The following SLC13A1 variants were observed in gnomAD, a reference collection of about 807,000 sequenced individuals.
SLC13A1 encodes the protein Na(+)/sulfate cotransporter.
Under a neutral mutation model 70.0 loss-of-function variants are expected in SLC13A1, and 65 were observed. That is an observed-to-expected ratio of 0.93 (90% CI 0.76 to 1.14). SLC13A1 has a LOEUF of 1.14. Ranked by LOEUF, SLC13A1 falls within the 50% of genes most tolerant of loss-of-function variation. The probability of loss-of-function intolerance (pLI) is 0.00; values close to 1 mark genes in which losing one functional copy is unlikely to be tolerated. For missense variants in SLC13A1, 726 were observed against 717.8 expected (o/e 1.01, Z -0.13); for synonymous variants, 275 against 250.5 (o/e 1.10, Z -0.92).
At chr7:123,126,114 G>A (rs1793550679) in intron 10 of SLC13A1, among the ~76,000 whole-genome samples, 1 of 152,154 alleles carries the variant, frequency 6.6e-6, no homozygotes, top group Non-Finnish European at 1.5e-5. Context: ...TTGTGGCAAG[G>A]CGTGATATTT....
intron 2 of SLC13A1, among the ~76,000 whole-genome samples, chr7:123,177,554 C>A (rs1313667822): frequency 6.6e-6 from 1 of 152,106 alleles, no homozygotes; most frequent in Non-Finnish European, 1.5e-5. Context: ...ACATTATGTA[C>A]CTGACCTAAT....
intron 8 of SLC13A1, among the ~76,000 whole-genome samples, chr7:123,131,497 C>G (rs1793757973): frequency 1.3e-5 from 2 of 152,158 alleles, no homozygotes; most frequent in South Asian, 4.1e-4. Context: ...ACTGACAAAG[C>G]CTATGACAAT....
chr7:123,195,207 T>G (rs977417005), intron 1 of SLC13A1, among the ~76,000 whole-genome samples: 1 of 152,120 alleles, frequency 6.6e-6, no homozygotes, highest in Non-Finnish European at 1.5e-5. Flanking sequence ...ACTACCACAT[T>G]GCTATTAGCA....
At chr7:123,192,248 C>A (rs534186545) in intron 1 of SLC13A1, among the ~76,000 whole-genome samples, 57 of 152,262 alleles carry the variant, frequency 3.7e-4, no homozygotes, top group African/African-American at 1.3e-3. Flanking sequence ...ATATCATAGT[C>A]ATATCTTGTC....
intron 1 of SLC13A1, among the ~76,000 whole-genome samples, chr7:123,189,326 A>T (rs1160682424): frequency 1.3e-5 from 2 of 151,958 alleles, no homozygotes; most frequent in African/African-American, 2.4e-5. Flanking sequence ...CATATTTTCT[A>T]TGCTGAAGTT....
chr7:123,187,477 A>T (rs1023053647), intron 1 of SLC13A1, among the ~76,000 whole-genome samples: 5 of 152,192 alleles, frequency 3.3e-5, no homozygotes. Context: ...TTTTTAAACA[A>T]ATAAAACATT....
chr7:123,117,270 T>G (rs976445463), intron 14 of SLC13A1, among the ~76,000 whole-genome samples: 1 of 152,168 alleles, frequency 6.6e-6, no homozygotes, highest in African/African-American at 2.4e-5. Context: ...TTTGTGACCG[T>G]AAGTTTTAAT....
At chr7:123,179,234 T>G (rs1419196443) in intron 2 of SLC13A1, among the ~76,000 whole-genome samples, 1 of 152,146 alleles carries the variant, frequency 6.6e-6, no homozygotes, top group Non-Finnish European at 1.5e-5. Flanking sequence ...GTTTAATGAG[T>G]CAGTGATTGA....
At chr7:123,180,671 G>A (rs1194704117) in intron 2 of SLC13A1, among the ~76,000 whole-genome samples, 1 of 152,096 alleles carries the variant, frequency 6.6e-6, no homozygotes, top group Non-Finnish European at 1.5e-5. Flanking sequence ...AAAAGCTTAT[G>A]GAGGATGTCA....
chr7:123,190,821 A>G (rs77151881), intron 1 of SLC13A1, among the ~76,000 whole-genome samples: 1,667 of 152,208 alleles, frequency 0.011, 34 homozygotes, highest in African/African-American at 0.037. Context: ...TCTATTGAGG[A>G]TTTTGTTTGT....
Position 123,123,131 on chromosome 7 carries a change from A to T in SLC13A1, c.1345T>A (p.Cys449Ser), listed in dbSNP as rs1793443008. ...VGGGFALADG[C>S]EESGLSKWIG... is the part of the protein sequence containing the mutation. ...TCTTACACACAGAGTATTACCTCACAACCATCTGCCAGGGCAAACCCTCCA... is the reference window on the plus strand; with the variant it reads ...TCTTACACACAGAGTATTACCTCACTACCATCTGCCAGGGCAAACCCTCCA... Residue 449 changes from cysteine (C) to serine (S), a missense_variant, in exon 12 of 15, where the codon TGT becomes AGT. Physicochemically the swap from Cys to Ser is moderately radical, Grantham distance 112. Transcript: ENST00000194130. 1.2e-6 allele frequency: 2 copies of T among 1,607,616 alleles called. No individual in the cohort carries two copies. Among genetic ancestry groups the T allele is most frequent in the Non-Finnish European group, 1.7e-6 (2 of 1,174,220 alleles).
chr7:123,124,684 T>C (rs549139851), intron 11 of SLC13A1, among the ~76,000 whole-genome samples: 4 of 151,206 alleles, frequency 2.6e-5, no homozygotes, highest in Admixed American at 1.3e-4. Context: ...AAAAAGTGTG[T>C]GTGTCTGTGT....
Position 123,128,832 on chromosome 7 carries a change from G to A in SLC13A1, c.1133+13C>T, listed in dbSNP as rs28364204. ...AACAGGAAGGGCTGACAAACATAAC[G>A]TGCAAAGCTTACTCTGAAAAAAGTG... is the stretch of plus-strand genomic sequence containing the variant. On this transcript the variant is annotated intron_variant, in intron 10 of 14. Transcript: ENST00000194130. The A allele has an allele frequency of 3.4e-4, 530 of 1,577,036 alleles. 3 individuals are homozygous for A. In the East Asian group the frequency reaches 8.9e-3, roughly 27 times the overall value.
chr7:123,143,023 C>T, intron 7 of SLC13A1, among the ~76,000 whole-genome samples: 1 of 152,066 alleles, frequency 6.6e-6, no homozygotes. Context: ...AAATGTCGTC[C>T]TAAAGCTAGA....
chr7:123,189,193 A>G (rs1795919003), intron 1 of SLC13A1, among the ~76,000 whole-genome samples: 1 of 151,874 alleles, frequency 6.6e-6, no homozygotes, highest in South Asian at 2.1e-4. Flanking sequence ...AATTTTTTCA[A>G]GTGTAGAGCT....
chr7:123,178,512 G>C (rs1038014211), intron 2 of SLC13A1, among the ~76,000 whole-genome samples: 1 of 152,074 alleles, frequency 6.6e-6, no homozygotes. Flanking sequence ...TATTTAATTT[G>C]ATCATGACAA....
At chr7:123,131,570 T>C (rs1793760357) in intron 8 of SLC13A1, among the ~76,000 whole-genome samples, 1 of 152,222 alleles carries the variant, frequency 6.6e-6, no homozygotes, top group Admixed American at 6.5e-5. Flanking sequence ...TTCTCAGGTA[T>C]GTTGGGATCA....
chr7:123,190,246 A>G (rs1278553686), intron 1 of SLC13A1, among the ~76,000 whole-genome samples: 7 of 152,172 alleles, frequency 4.6e-5, no homozygotes, highest in Non-Finnish European at 1.0e-4. Context: ...TCTTGCTGAT[A>G]CTACATGTCA....
intron 7 of SLC13A1, among the ~76,000 whole-genome samples, chr7:123,140,628 G>A (rs994860999): frequency 3.3e-5 from 5 of 151,950 alleles, no homozygotes; most frequent in African/African-American, 1.2e-4. Context: ...TTCAGGTTTT[G>A]GATTTCCTCA....
Sources: allele counts gnomAD v4.1 joint callset (sites outside exome capture counted in the v4.1 genomes callset), GRCh38; gene constraint gnomAD v4.1.1; transcripts MANE v1.5; gene names NCBI Gene and HGNC (gene_info 2026-07-23, HGNC 2026-07-21).